TIAM1: variants seen among roughly 807,000 people sequenced by gnomAD.
TIAM1 encodes rho guanine nucleotide exchange factor TIAM1.
Under a neutral mutation model 163.5 loss-of-function variants are expected in TIAM1, and 65 were observed. That is an observed-to-expected ratio of 0.40 (90% CI 0.33 to 0.49). The LOEUF (loss-of-function observed/expected upper bound fraction) is 0.49. Ranked by LOEUF, TIAM1 falls within the 20% of genes least tolerant of loss-of-function variation. The pLI, the probability that TIAM1 is intolerant of heterozygous loss-of-function variation, is 0.77. For missense variants in TIAM1, 1,789 were observed against 2,044.7 expected, an observed-to-expected ratio of 0.87 and a Z score of 2.41; for synonymous variants, 833 against 810.1, an observed-to-expected ratio of 1.03 and a Z score of -0.48.
chr21:31,451,093 A>T (rs1395744872), intron 2 of TIAM1, among the ~76,000 whole-genome samples: 1 of 150,418 alleles, frequency 6.6e-6, no homozygotes, highest in Non-Finnish European at 1.5e-5. Flanking sequence ...TTCGCTCTGG[A>T]TGGATATGGC....
chr21:31,176,823 C>T (rs531058563), intron 15 of TIAM1, among the ~76,000 whole-genome samples: 2 of 152,014 alleles, frequency 1.3e-5, no homozygotes, highest in African/African-American at 4.8e-5. Flanking sequence ...GGCTCCCAAC[C>T]AGGGCTGGAC....
chr21:31,413,710 G>A (rs368802054), intron 2 of TIAM1, among the ~76,000 whole-genome samples: 1 of 152,026 alleles, frequency 6.6e-6, no homozygotes, highest in Non-Finnish European at 1.5e-5. Context: ...TCTAGCATTC[G>A]CCAGGCCCCT....
At chr21:31,514,123 C>T (rs949840379) in intron 1 of TIAM1, among the ~76,000 whole-genome samples, 1 of 152,158 alleles carries the variant, frequency 6.6e-6, no homozygotes, top group African/African-American at 2.4e-5. Flanking sequence ...CATCCTCCTG[C>T]CTCATCCCAC....
intron 1 of TIAM1, among the ~76,000 whole-genome samples, chr21:31,521,904 C>A (rs2047608233): frequency 6.6e-6 from 1 of 152,086 alleles, no homozygotes. Context: ...CGGAGTCTCT[C>A]TCTGTCGCCC....
At chr21:31,247,944 G>A (rs1318348975) in intron 5 of TIAM1, among the ~76,000 whole-genome samples, 5 of 152,166 alleles carry the variant, frequency 3.3e-5, no homozygotes, top group Non-Finnish European at 5.9e-5. Flanking sequence ...CTAAGTCAGA[G>A]GTTCTTATGA....
At chr21:31,130,167 C>G (rs2146231252) in intron 25 of TIAM1, 46 bp downstream of exon 25, 4 of 1,497,338 alleles carry the variant, frequency 2.7e-6, no homozygotes, top group Non-Finnish European at 3.7e-6. Context: ...TTCCTACACA[C>G]ATCAGAAATA....
chr21:31,220,243 C>T (rs2087480243), intron 8 of TIAM1, among the ~76,000 whole-genome samples: 1 of 152,228 alleles, frequency 6.6e-6, no homozygotes, highest in African/African-American at 2.4e-5. Context: ...TTCTCTCCCA[C>T]AAGAATATAA....
chr21:31,349,667 G>C (rs1461388834), intron 2 of TIAM1, among the ~76,000 whole-genome samples: 2 of 152,290 alleles, frequency 1.3e-5, no homozygotes, highest in East Asian at 3.9e-4. Context: ...AGAATGCCAG[G>C]ATAGCTTTAT....
At chr21:31,140,349 C>G (rs1240046585) in intron 22 of TIAM1, among the ~76,000 whole-genome samples, 1 of 152,170 alleles carries the variant, frequency 6.6e-6, no homozygotes, top group African/African-American at 2.4e-5. Flanking sequence ...TGAGTCTAAT[C>G]TCTAGTTGAA....
At chr21:31,426,125 A>G (rs112672744) in intron 2 of TIAM1, among the ~76,000 whole-genome samples, 8,745 of 152,120 alleles carry the variant, frequency 0.057, 497 homozygotes, top group African/African-American at 0.14. Context: ...CCCATCACCC[A>G]AGCAGTGTAC....
At position 31,543,936 on chromosome 21, in the gene TIAM1, C is replaced by A. The variant is rs564922102; in HGVS notation, c.-422+14991G>T. On this transcript the variant is annotated intron_variant, in intron 1 of 28. Transcript: ENST00000286827. The stretch of plus-strand genomic sequence containing the variant: ...TTTAAATAGGCAGTCTAAGACCCAG[C>A]ACAGTGGCTCACGCCTGTAATTCCA... Among the ~76,000 whole-genome samples the A allele has an allele frequency of 3.3e-5, 5 of 152,314 alleles. No individual in the cohort carries two copies. In the East Asian group the frequency reaches 9.7e-4, roughly 29 times the overall value.
chr21:31,291,668 A>G (rs1039149064), intron 2 of TIAM1, among the ~76,000 whole-genome samples: 1 of 152,218 alleles, frequency 6.6e-6, no homozygotes, highest in African/African-American at 2.4e-5. Context: ...GACTGCAGGC[A>G]TGCGCTACAA....
At chr21:31,513,070 T>C (rs1456295847) in intron 1 of TIAM1, among the ~76,000 whole-genome samples, 1 of 152,220 alleles carries the variant, frequency 6.6e-6, no homozygotes, top group Non-Finnish European at 1.5e-5. Context: ...AAAAATTCAG[T>C]GAAGTTTAAC....
At chr21:31,464,367 A>G (rs562284932) in intron 1 of TIAM1, among the ~76,000 whole-genome samples, 1 of 152,318 alleles carries the variant, frequency 6.6e-6, no homozygotes, top group East Asian at 1.9e-4. Flanking sequence ...CAAGGACACA[A>G]GATGAGTAAT....
chr21:31,347,022 T>A (rs992645918), upstream of TIAM1, among the ~76,000 whole-genome samples: 3 of 152,162 alleles, frequency 2.0e-5, no homozygotes, highest in African/African-American at 7.2e-5. Flanking sequence ...GGTTTGCTCA[T>A]CTTGAATTTT....
intron 11 of TIAM1, among the ~76,000 whole-genome samples, chr21:31,206,366 C>T (rs1322173539): frequency 6.6e-6 from 1 of 152,154 alleles, no homozygotes; most frequent in East Asian, 1.9e-4. Flanking sequence ...GCAAGTCAAA[C>T]AACTAACCAT....
At position 31,322,959 on chromosome 21, in the gene TIAM1, G is replaced by A. The variant is rs536715498; in HGVS notation, c.-189+16284C>T. Reference sequence around the variant, plus strand: ...TCCTTGGTGGAGTCCATGGTAGAACGCTGTAGGTGCACTTCAGGGCTCCAC... The same window carrying A: ...TCCTTGGTGGAGTCCATGGTAGAACACTGTAGGTGCACTTCAGGGCTCCAC... On this transcript the variant is annotated intron_variant, in intron 2 of 27. Coordinates refer to ENST00000541036, the MANE Select transcript of TIAM1 (RefSeq NM_001353694.2). Among the ~76,000 whole-genome samples the A allele has an allele frequency of 2.0e-3, 300 of 152,262 alleles. 10 individuals carry two copies. The South Asian group carries it at 0.059, about 30-fold the overall frequency.
At chr21:31,524,775 T>G (rs1602489072) in intron 1 of TIAM1, among the ~76,000 whole-genome samples, 1 of 152,162 alleles carries the variant, frequency 6.6e-6, no homozygotes, top group East Asian at 1.9e-4. Context: ...TACATAGCAT[T>G]TAGTGTGTGC....
chr21:31,552,777 GA>G lies in TIAM1; in HGVS notation c.-422+6149del, dbSNP rs575372539. Among the ~76,000 whole-genome samples the G allele has an allele frequency of 4.0e-3, 613 of 151,762 alleles. 5 individuals are homozygous for G. The highest frequency in any genetic ancestry group is 0.014 in the African/African-American group (579 of 41,396). On this transcript the variant is annotated intron_variant, in intron 1 of 28. Coordinates refer to the TIAM1 transcript ENST00000286827. ...AAGAGTAAGACTCTATCTCCAAAAA[GA>G]AAAAAAGAGAGAGAATAAGAAACCT...
Sources: gnomAD v4.1 joint callset for allele counts (sites outside exome capture counted in the v4.1 genomes callset) on GRCh38, gnomAD v4.1.1 for gene constraint, MANE v1.5 for transcripts, NCBI Gene and HGNC (gene_info 2026-07-23, HGNC 2026-07-21) for gene names.